Variants in LINGO2 observed in about 807,000 individuals in gnomAD.
The protein encoded by LINGO2 is leucine-rich repeat and immunoglobulin-like domain-containing nogo receptor-interacting protein 2.
LINGO2 carries 14 observed loss-of-function variants against 30.6 expected under a neutral mutation model. The observed-to-expected ratio is 0.46, with a 90% CI of 0.30 to 0.72. The LOEUF (loss-of-function observed/expected upper bound fraction) is 0.72, where lower values mean the gene tolerates loss of function less well. Ranked by LOEUF, LINGO2 falls within the 30% of genes least tolerant of loss-of-function variation. The pLI, the probability that LINGO2 is intolerant of heterozygous loss-of-function variation, is 0.07. For missense variants in LINGO2, 729 were observed against 751.7 expected (o/e 0.97, Z 0.35); for synonymous variants, 317 against 288.5 (o/e 1.10, Z -1.00).
At chr9:29,202,172 A>G in the LINGO2 span, among the ~76,000 whole-genome samples, 1 of 151,858 alleles carries the variant, frequency 6.6e-6, no homozygotes, top group African/African-American at 2.4e-5. Context: ...AAATAGGCCA[A>G]TGAACAAAAA....
At chr9:28,518,621 G>T (rs1350650798) in intron 1 of LINGO2, among the ~76,000 whole-genome samples, 1 of 152,142 alleles carries the variant, frequency 6.6e-6, no homozygotes, top group Non-Finnish European at 1.5e-5. Flanking sequence ...AGAGAATTCT[G>T]CACAGACGGG....
intron 4 of LINGO2, among the ~76,000 whole-genome samples, chr9:28,083,388 C>A (rs185051679): frequency 4.3e-4 from 66 of 152,288 alleles, no homozygotes; most frequent in Admixed American, 2.2e-3. Flanking sequence ...TAAGCTGCTT[C>A]TGTTCTAATT....
At chr9:29,033,230 G>A in the LINGO2 span, among the ~76,000 whole-genome samples, 5 of 151,854 alleles carry the variant, frequency 3.3e-5, no homozygotes, top group African/African-American at 1.2e-4. Context: ...TTCATGTGAG[G>A]TCTTGCTAAA....
chr9:28,705,449 G>C, the LINGO2 span, among the ~76,000 whole-genome samples: 1 of 152,062 alleles, frequency 6.6e-6, no homozygotes, highest in African/African-American at 2.4e-5. Flanking sequence ...ATAGCTAGAG[G>C]AAGCTGGAAT....
At chr9:28,271,167 A>C (rs4531132) in intron 4 of LINGO2, among the ~76,000 whole-genome samples, 49,740 of 151,378 alleles carry the variant, frequency 0.33, 8,475 homozygotes, top group Middle Eastern at 0.58. Flanking sequence ...AAAAAAAAAA[A>C]ACACAAAAAA....
At chr9:28,512,988 T>C (rs1002472589) in intron 1 of LINGO2, among the ~76,000 whole-genome samples, 4 of 151,764 alleles carry the variant, frequency 2.6e-5, no homozygotes, top group African/African-American at 7.3e-5. Context: ...CTGACTCAAA[T>C]GTTAATCTCT....
At chr9:28,544,854 G>A (rs1343892029) in intron 1 of LINGO2, among the ~76,000 whole-genome samples, 2 of 150,542 alleles carry the variant, frequency 1.3e-5, no homozygotes, top group Non-Finnish European at 3.0e-5. Context: ...GAATTCCATG[G>A]GTCTCTTGTT....
At chr9:28,394,357 A>G (rs1821958999) in intron 2 of LINGO2, among the ~76,000 whole-genome samples, 1 of 151,950 alleles carries the variant, frequency 6.6e-6, no homozygotes, top group African/African-American at 2.4e-5. Context: ...GCAAATGGGG[A>G]TTGTTTTTTC....
At chr9:28,878,717 A>G in the LINGO2 span, among the ~76,000 whole-genome samples, 5 of 152,198 alleles carry the variant, frequency 3.3e-5, no homozygotes, top group Non-Finnish European at 7.3e-5. Context: ...CCAGCATATA[A>G]ACAGAACCAA....
intron 5 of LINGO2, among the ~76,000 whole-genome samples, chr9:27,964,442 AT>A (rs1819999497): frequency 6.6e-6 from 1 of 152,080 alleles, no homozygotes; most frequent in East Asian, 1.9e-4. Flanking sequence ...GGCAATTATT[AT>A]ATGGTTTGAA....
intron 3 of LINGO2, among the ~76,000 whole-genome samples, chr9:28,367,420 C>G (rs1387835956): frequency 6.6e-6 from 1 of 152,042 alleles, no homozygotes; most frequent in East Asian, 1.9e-4. Context: ...ACTGGCTGTT[C>G]TCTAGAGGGG....
At chr9:28,510,073 C>T (rs1199577241) in intron 1 of LINGO2, among the ~76,000 whole-genome samples, 1 of 152,178 alleles carries the variant, frequency 6.6e-6, no homozygotes, top group Admixed American at 6.5e-5. Flanking sequence ...AAGATGTTCA[C>T]TTGTTGATTA....
At chr9:28,660,262 C>G (rs978892984) in intron 1 of LINGO2, among the ~76,000 whole-genome samples, 1 of 151,428 alleles carries the variant, frequency 6.6e-6, no homozygotes, top group Non-Finnish European at 1.5e-5. Flanking sequence ...ATTAATTTTA[C>G]CATATTAATA....
the LINGO2 span, among the ~76,000 whole-genome samples, chr9:29,082,735 G>GA: frequency 4.0e-4 from 60 of 151,436 alleles, no homozygotes; most frequent in Non-Finnish European, 5.3e-4. Flanking sequence ...AAATTTACAA[G>GA]AAAAAAAACA....
intron 4 of LINGO2, among the ~76,000 whole-genome samples, chr9:28,195,823 T>C (rs1819991232): frequency 6.6e-6 from 1 of 151,622 alleles, no homozygotes; most frequent in East Asian, 1.9e-4. Context: ...CTTCACAGCA[T>C]GGAAAAAAAG....
At chr9:28,469,933 T>G (rs1825456078) in intron 2 of LINGO2, among the ~76,000 whole-genome samples, 1 of 152,146 alleles carries the variant, frequency 6.6e-6, no homozygotes, top group African/African-American at 2.4e-5. Context: ...AATAAGAGTA[T>G]TATTGTAATT....
chr9:28,275,053 T>C (rs1164470084), intron 4 of LINGO2, among the ~76,000 whole-genome samples: 1 of 152,058 alleles, frequency 6.6e-6, no homozygotes, highest in African/African-American at 2.4e-5. Flanking sequence ...TGGTCTTGTC[T>C]ACTCTAAAGT....
chr9:28,521,814 C>T (rs1219267476), intron 1 of LINGO2, among the ~76,000 whole-genome samples: 3 of 152,120 alleles, frequency 2.0e-5, no homozygotes, highest in African/African-American at 7.2e-5. Context: ...GACTGAGGTC[C>T]TAATAAGAAA....
chr9:28,469,762 C>G (rs1261468277), intron 2 of LINGO2, among the ~76,000 whole-genome samples: 1 of 152,058 alleles, frequency 6.6e-6, no homozygotes, highest in Non-Finnish European at 1.5e-5. Flanking sequence ...AAAACATTCA[C>G]CAGACAAACA....
Sources: gnomAD v4.1 joint callset for allele counts (sites outside exome capture counted in the v4.1 genomes callset) on GRCh38, gnomAD v4.1.1 for gene constraint, MANE v1.5 for transcripts, NCBI Gene and HGNC (gene_info 2026-07-23, HGNC 2026-07-21) for gene names.